Variants in LRMDA observed in about 807,000 individuals in gnomAD.
The protein encoded by LRMDA is leucine-rich melanocyte differentiation-associated protein.
Under a neutral mutation model 29.8 loss-of-function variants are expected in LRMDA, and 18 were observed. The observed-to-expected ratio is 0.60, with a 90% CI of 0.42 to 0.90. The LOEUF (loss-of-function observed/expected upper bound fraction) is 0.90, where lower values mean the gene tolerates loss of function less well. LRMDA is among the 40% of genes least tolerant of loss of function. LRMDA has a pLI of 0.00. For synonymous variants in LRMDA, 125 were observed against 109.4 expected, an observed-to-expected ratio of 1.14 and a Z score of -0.89; for missense variants, 273 against 273.9, an observed-to-expected ratio of 1.00 and a Z score of 0.02.
intron 5 of LRMDA, among the ~76,000 whole-genome samples, chr10:76,323,445 G>A (rs1253815844): frequency 6.6e-6 from 1 of 152,026 alleles, no homozygotes; most frequent in Non-Finnish European, 1.5e-5. Flanking sequence ...CATGAAGCTT[G>A]GAAAGATTGT....
chr10:76,250,429 T>C (rs185320282), intron 5 of LRMDA, among the ~76,000 whole-genome samples: 3 of 152,254 alleles, frequency 2.0e-5, no homozygotes, highest in South Asian at 4.1e-4. Context: ...TGTACTTTCA[T>C]TTGTAAGTAA....
chr10:76,080,211 G>A (rs1359030423), intron 5 of LRMDA, among the ~76,000 whole-genome samples: 3 of 151,946 alleles, frequency 2.0e-5, no homozygotes, highest in Non-Finnish European at 4.4e-5. Context: ...CCTCTATGAA[G>A]CCCCCTTTCA....
chr10:76,020,614 C>G (rs1847958704), intron 2 of LRMDA, among the ~76,000 whole-genome samples: 1 of 152,208 alleles, frequency 6.6e-6, no homozygotes, highest in South Asian at 2.1e-4. Flanking sequence ...CCTGTCCAAG[C>G]TGCCTGCTCA....
At chr10:75,953,051 A>G (rs1278766439) in intron 2 of LRMDA, among the ~76,000 whole-genome samples, 1 of 152,022 alleles carries the variant, frequency 6.6e-6, no homozygotes, top group Non-Finnish European at 1.5e-5. Context: ...CACTGCACCC[A>G]GCAGGAAATT....
chr10:76,206,145 CCAGGAGCTGAACT>C (rs1246234164), intron 5 of LRMDA, among the ~76,000 whole-genome samples: 1 of 152,172 alleles, frequency 6.6e-6, no homozygotes, highest in Non-Finnish European at 1.5e-5. Flanking sequence ...AGTTTAACCT[CCAGGAGCTGAACT>C]CAGCAGTGGG....
rs1238877291 is a variant in LRMDA at position 76,104,784 on chromosome 10, C to T, written c.516+46001C>T. On this transcript the variant is annotated intron_variant, in intron 5 of 6. Transcript: ENST00000611255. ...AGAAGACGAAGGGCCGTGTTTGTGG[C>T]TCACCCCCCATATGGAACCCCCCTC... Among the ~76,000 whole-genome samples, 5 of 152,092 alleles carry T rather than the reference C, an allele frequency of 3.3e-5. 1 individual carries two copies. Among genetic ancestry groups the T allele is most frequent in the Non-Finnish European group, 7.4e-5 (5 of 68,014 alleles).
At chr10:75,607,996 A>G (rs988726799) in intron 2 of LRMDA, among the ~76,000 whole-genome samples, 26 of 150,656 alleles carry the variant, frequency 1.7e-4, no homozygotes, top group African/African-American at 5.8e-4. Flanking sequence ...GGGAGTGCAG[A>G]TATCTCTTTG....
At chr10:76,345,105 C>T (rs1306462594) in intron 6 of LRMDA, among the ~76,000 whole-genome samples, 8 of 119,822 alleles carry the variant, frequency 6.7e-5, no homozygotes, top group East Asian at 5.4e-4. Flanking sequence ...CTCGCTCTGT[C>T]GCCCAGGCTG....
At chr10:75,621,079 C>T (rs566119952) in intron 2 of LRMDA, among the ~76,000 whole-genome samples, 2 of 152,272 alleles carry the variant, frequency 1.3e-5, no homozygotes, top group South Asian at 2.1e-4. Flanking sequence ...TGAGTGAGAA[C>T]ATACGATGTT....
At chr10:76,139,195 T>A (rs1445086818) in intron 5 of LRMDA, among the ~76,000 whole-genome samples, 1 of 152,142 alleles carries the variant, frequency 6.6e-6, no homozygotes, top group African/African-American at 2.4e-5. Flanking sequence ...ACTGGAAATC[T>A]TTTTTTCAGC....
At chr10:75,657,578 C>T (rs377105436) in intron 2 of LRMDA, among the ~76,000 whole-genome samples, 1 of 152,176 alleles carries the variant, frequency 6.6e-6, no homozygotes, top group Non-Finnish European at 1.5e-5. Context: ...TACATAACTG[C>T]TTTCTCAGTT....
rs1407837830 is a variant in LRMDA at position 76,271,120 on chromosome 10, A to C, written c.517-53281A>C. On this transcript the variant is annotated intron_variant, in intron 5 of 6. Transcript: ENST00000611255. ...ACTACAGATCCATATGTAATCAAGA[A>C]TTCCTACCTTGGCTAGGCGGCTCAC... is the stretch of plus-strand genomic sequence containing the variant. Among the ~76,000 whole-genome samples, 5 of 152,218 alleles carry C rather than the reference A, an allele frequency of 3.3e-5. No individual in the cohort carries two copies. The East Asian group carries it at 7.7e-4, about 23-fold the overall frequency.
At chr10:75,490,951 T>C (rs1844979687) in intron 2 of LRMDA, among the ~76,000 whole-genome samples, 1 of 152,156 alleles carries the variant, frequency 6.6e-6, no homozygotes, top group Admixed American at 6.5e-5. Flanking sequence ...AGTACAATAA[T>C]AATTTTTTCC....
At chr10:75,483,718 A>T (rs1386928873) in intron 2 of LRMDA, among the ~76,000 whole-genome samples, 1 of 152,232 alleles carries the variant, frequency 6.6e-6, no homozygotes, top group Non-Finnish European at 1.5e-5. Flanking sequence ...AAGCCACCTT[A>T]CTACTGTCTC....
chr10:75,456,307 G>A (rs963897924), intron 2 of LRMDA, among the ~76,000 whole-genome samples: 2 of 152,216 alleles, frequency 1.3e-5, no homozygotes, highest in Non-Finnish European at 2.9e-5. Context: ...ACAAGCATGT[G>A]CCTCTTCACA....
chr10:76,545,040 C>T (rs1471109224), intron 6 of LRMDA, among the ~76,000 whole-genome samples: 1 of 152,134 alleles, frequency 6.6e-6, no homozygotes, highest in Non-Finnish European at 1.5e-5. Flanking sequence ...TAATGAAGAG[C>T]AGGTGGAGGC....
At chr10:76,277,071 C>G (rs1008706298) in intron 5 of LRMDA, among the ~76,000 whole-genome samples, 2 of 152,112 alleles carry the variant, frequency 1.3e-5, no homozygotes, top group African/African-American at 4.8e-5. Flanking sequence ...TTAGAGTATC[C>G]CCTTCTCCAG....
At chr10:76,090,285 C>A (rs1227145683) in intron 5 of LRMDA, among the ~76,000 whole-genome samples, 1 of 152,106 alleles carries the variant, frequency 6.6e-6, no homozygotes, top group Non-Finnish European at 1.5e-5. Context: ...TGGGCAGCTG[C>A]CGTGAAGCCA....
At chr10:75,715,466 T>C (rs1842488779) in intron 2 of LRMDA, among the ~76,000 whole-genome samples, 1 of 152,186 alleles carries the variant, frequency 6.6e-6, no homozygotes, top group Non-Finnish European at 1.5e-5. Flanking sequence ...TTTAAATACA[T>C]ATATATGTGA....
Sources: gnomAD v4.1 joint callset for allele counts (sites outside exome capture counted in the v4.1 genomes callset) on GRCh38, gnomAD v4.1.1 for gene constraint, MANE v1.5 for transcripts, NCBI Gene and HGNC (gene_info 2026-07-23, HGNC 2026-07-21) for gene names.